Variants in MAP4 observed in about 807,000 individuals in gnomAD.
MAP4 encodes the protein microtubule associated protein 4, also known as microtubule-associated protein 4.
A neutral mutation model predicts 170.2 loss-of-function variants in MAP4; 76 were observed. That is an observed-to-expected ratio of 0.45 (90% CI 0.37 to 0.54). The LOEUF (loss-of-function observed/expected upper bound fraction) is 0.54, where lower values mean the gene tolerates loss of function less well. MAP4 is among the 20% of genes least tolerant of loss of function. The pLI is 0.00. For missense variants in MAP4, 2,506 were observed against 2,748.0 expected (o/e 0.91, Z 1.97); for synonymous variants, 909 against 994.5 (o/e 0.91, Z 1.62).
At chr3:48,035,176 G>A (rs1341611620) in intron 1 of MAP4, among the ~76,000 whole-genome samples, 16 of 144,706 alleles carry the variant, frequency 1.1e-4, no homozygotes, top group African/African-American at 4.0e-4. Flanking sequence ...ACCTACCTTG[G>A]GTCTGATTTG....
rs921715996 is a variant in MAP4, at chr3:47,911,221, C to T, written c.3200G>A (p.Ser1067Asn). ...AGAATCTGTTCTCATTTTCCCAGAA[C>T]TTCCCCTTCCCTTCCTGCTTTTGCC... ...GDGKSRKGRG[S>N]SGKMRTDSGK... Residue 1067 changes from serine to asparagine, a missense_variant, in exon 9 of 21, where the codon AGT (serine) becomes AAT (asparagine). Coordinates refer to ENST00000683076, the MANE Select transcript of MAP4 (RefSeq NM_001385682.1). The surrounding 1 kb of genome is among the most constrained non-coding windows in gnomAD (Gnocchi z 4.0). 1 of 1,536,098 alleles carries T rather than the reference C, an allele frequency of 6.5e-7. No individual in the cohort carries two copies. Among genetic ancestry groups the T allele is most frequent in the African/African-American group, 1.4e-5 (1 of 73,162 alleles).
chr3:48,075,135 A>G (rs2100143189), intron 1 of MAP4, among the ~76,000 whole-genome samples: 1 of 152,218 alleles, frequency 6.6e-6, no homozygotes, highest in East Asian at 1.9e-4. Context: ...AAGACAGCAT[A>G]TTTATGCAGA....
intron 1 of MAP4, among the ~76,000 whole-genome samples, chr3:48,054,950 T>C (rs2154551957): frequency 6.6e-6 from 1 of 151,954 alleles, no homozygotes; most frequent in East Asian, 1.9e-4. Flanking sequence ...AATACTGTGG[T>C]TTAAAACCTA....
rs534160398 is a variant in MAP4, at chr3:47,989,676, C to T, written c.223+8962G>A. ...TAAGCCCAGGAGAGAATAAAAACAA[C>T]GTAACAACACTAAAAACAATAAGGT... is the stretch of plus-strand genomic sequence containing the variant. On this transcript the variant is annotated intron_variant, in intron 2 of 20. Coordinates refer to ENST00000683076, the MANE Select transcript of MAP4 (RefSeq NM_001385682.1). Among the ~76,000 whole-genome samples, 220 of 152,140 alleles carry T rather than the reference C, an allele frequency of 1.4e-3. 1 individual carries two copies. Among genetic ancestry groups the T allele is most frequent in the African/African-American group, 4.9e-3 (205 of 41,506 alleles).
chr3:47,914,675 T>C, intron 8 of MAP4, 142 bp downstream of exon 8: 1 of 951,022 alleles, frequency 1.1e-6, no homozygotes. Flanking sequence ...CTAAACCAGA[T>C]AAAATCTGTC....
At chr3:47,918,582 C>T (rs2100041009) in intron 6 of MAP4, 137 bp downstream of exon 6, 1 of 626,400 alleles carries the variant, frequency 1.6e-6, no homozygotes, top group South Asian at 2.2e-5. Flanking sequence ...GGTGATATCA[C>T]TAATATAAGC....
At chr3:48,007,673 CTCCT>C (rs1579180853) in intron 1 of MAP4, among the ~76,000 whole-genome samples, 1 of 105,426 alleles carries the variant, frequency 9.5e-6, no homozygotes, top group Non-Finnish European at 1.9e-5. Flanking sequence ...GATAACTACT[CTCCT>C]TTTTTTTTTT....
intron 9 of MAP4, among the ~76,000 whole-genome samples, chr3:47,903,641 C>A (rs2100031370): frequency 6.6e-6 from 1 of 152,046 alleles, no homozygotes; most frequent in South Asian, 2.1e-4. Flanking sequence ...GCAAAGAAAC[C>A]TTCTGTTAAA....
chr3:48,068,676 C>T (rs537227484), intron 1 of MAP4, among the ~76,000 whole-genome samples: 22 of 152,222 alleles, frequency 1.4e-4, no homozygotes, highest in African/African-American at 4.1e-4. Flanking sequence ...CCCAGCTACT[C>T]GGAAGGCAGA....
chr3:47,902,673 CAAAAAAAAAA>C (rs3051642), intron 10 of MAP4, among the ~76,000 whole-genome samples: 11 of 25,772 alleles, frequency 4.3e-4, no homozygotes, highest in African/African-American at 1.1e-3. Context: ...GACTCTGTCT[CAAAAAAAAAA>C]AAAAAAAAAA....
intron 3 of MAP4, among the ~76,000 whole-genome samples, chr3:47,942,861 G>A (rs939051503): frequency 6.6e-6 from 1 of 152,060 alleles, no homozygotes; most frequent in African/African-American, 2.4e-5. Context: ...TGTAATCATC[G>A]CAATTTGGGA....
Position 47,934,417 on chromosome 3 carries a change from C to T in MAP4, c.293-6067G>A, listed in dbSNP as rs191682985. ...TCCCAGGCTCAAATTATCCTCTCAC[C>T]TCAGCTTCTTGAGTACTGGGACTAC... On this transcript the variant is annotated intron_variant, in intron 3 of 20. Transcript: ENST00000683076. Among the ~76,000 whole-genome samples the T allele has an allele frequency of 3.5e-4, 53 of 152,232 alleles. 1 individual carries two copies. In the East Asian group the frequency reaches 9.3e-3, roughly 27 times the overall value.
intron 3 of MAP4, among the ~76,000 whole-genome samples, chr3:47,935,930 C>A: frequency 7.6e-6 from 1 of 131,448 alleles, no homozygotes; most frequent in South Asian, 2.4e-4. Context: ...CGTAGTGAGA[C>A]TTAGTCTCCA....
intron 13 of MAP4, 51 bp downstream of exon 13, chr3:47,871,866 G>C (rs754228897): frequency 6.5e-6 from 10 of 1,535,502 alleles, no homozygotes; most frequent in Non-Finnish European, 8.9e-6. Context: ...GCAAAGCCAA[G>C]ATCCCATTTT....
chr3:48,013,682 C>G (rs952372419), intron 1 of MAP4, among the ~76,000 whole-genome samples: 3 of 146,630 alleles, frequency 2.0e-5, no homozygotes, highest in Non-Finnish European at 4.5e-5. Flanking sequence ...ATCAAGTATT[C>G]TCATTTATAA....
intron 12 of MAP4, among the ~76,000 whole-genome samples, chr3:47,873,848 T>C (rs372237335): frequency 6.6e-6 from 1 of 152,250 alleles, no homozygotes; most frequent in East Asian, 1.9e-4. Context: ...TTATGTGGGA[T>C]AGAAATCTCA....
intron 1 of MAP4, among the ~76,000 whole-genome samples, chr3:48,015,582 C>T (rs2100107405): frequency 6.6e-6 from 1 of 152,028 alleles, no homozygotes; most frequent in African/African-American, 2.4e-5. Flanking sequence ...TTTAGTATGC[C>T]TAGCAGGTTT....
At chr3:47,988,851 C>T (rs972328932) in intron 2 of MAP4, among the ~76,000 whole-genome samples, 1 of 151,946 alleles carries the variant, frequency 6.6e-6, no homozygotes, top group African/African-American at 2.4e-5. Flanking sequence ...GTCTCGCTGT[C>T]GCCCAGGCTT....
chr3:47,867,923 A>C (rs1366025752), intron 16 of MAP4, among the ~76,000 whole-genome samples: 2 of 152,216 alleles, frequency 1.3e-5, no homozygotes, highest in African/African-American at 4.8e-5. Flanking sequence ...ATACAAATGG[A>C]TACAGAATCT....
Sources: gnomAD v4.1 joint callset for allele counts (sites outside exome capture counted in the v4.1 genomes callset) on GRCh38, gnomAD v4.1.1 for gene constraint, Gnocchi (gnomAD v3.1) non-coding constraint, MANE v1.5 for transcripts, NCBI Gene and HGNC (gene_info 2026-07-23, HGNC 2026-07-21) for gene names.